HIGD1B: variants seen among roughly 807,000 people sequenced by gnomAD.
HIGD1B encodes the protein HIG1 hypoxia inducible domain family member 1B.
HIGD1B carries 9 observed loss-of-function variants against 8.8 expected under a neutral mutation model. The observed-to-expected ratio is 1.02, with a 90% CI of 0.62 to 1.78. The LOEUF (loss-of-function observed/expected upper bound fraction) is 1.78, where lower values mean the gene tolerates loss of function less well. HIGD1B is among the 40% of genes most tolerant of loss of function. The pLI, the probability that HIGD1B is intolerant of heterozygous loss-of-function variation, is 0.00. For missense variants in HIGD1B, 126 were observed against 111.8 expected (o/e 1.13, Z -0.57); for synonymous variants, 47 against 38.8 (o/e 1.21, Z -0.78).
intron 2 of HIGD1B, 65 bp downstream of exon 2, chr17:44,849,453 G>C (rs2050388677): frequency 6.3e-7 from 1 of 1,587,676 alleles, no homozygotes; most frequent in East Asian, 2.2e-5. Flanking sequence ...AGGTCTTTAA[G>C]TCCCAACAAT....
upstream of HIGD1B, among the ~76,000 whole-genome samples, chr17:44,844,889 A>G (rs1488557289): frequency 6.6e-6 from 1 of 152,188 alleles, no homozygotes; most frequent in Non-Finnish European, 1.5e-5. Context: ...GTAAGTCATT[A>G]AGCCTCTCTG....
upstream of HIGD1B, among the ~76,000 whole-genome samples, chr17:44,845,980 C>G (rs1206428989): frequency 6.6e-6 from 1 of 152,006 alleles, no homozygotes; most frequent in African/African-American, 2.4e-5. Context: ...GAGTCTGTCT[C>G]TCACAACTAG....
chr17:44,850,442 C>A lies in HIGD1B; in HGVS notation c.*46C>A. 1 of 1,396,510 alleles carries A rather than the reference C, an allele frequency of 7.2e-7. No individual in the cohort carries two copies. The highest frequency in any genetic ancestry group is 1.0e-6 in the Non-Finnish European group (1 of 988,856). 86.5% of individuals were successfully genotyped at this position (1,396,510 alleles called of 1,614,324 possible). A position where few individuals can be genotyped will look rare whatever the true frequency, so the allele number is the denominator to read the frequency against. ...CTGTCCAACTCCCCTAACTCAATCC[C>A]TGGTACATTCCTAATAAAGCAGTTT... is the stretch of plus-strand genomic sequence containing the variant. On this transcript the variant is annotated 3_prime_UTR_variant, in exon 3 of 3. Transcript: ENST00000253410.
In HIGD1B at chr17:44,848,253, G is replaced by C; in HGVS notation, c.100+1G>C. 1.1e-6 allele frequency: 1 copy of C among 872,648 alleles called. No individual in the cohort carries two copies. Among genetic ancestry groups the C allele is most frequent in the Non-Finnish European group, 2.0e-6 (1 of 501,472 alleles). 54.1% of individuals were successfully genotyped at this position (872,648 alleles called of 1,614,324 possible). A position where few individuals can be genotyped will look rare whatever the true frequency, so the allele number is the denominator to read the frequency against. On this transcript the variant is annotated splice_donor_variant, in intron 1 of 2. Coordinates refer to ENST00000253410, the MANE Select transcript of HIGD1B (RefSeq NM_016438.4). LOFTEE classifies it high-confidence loss of function. ...CGGGAATCTCCACTGGTGCCTATAG[G>C]TAAGTGAAGAAAGGAATGGGGTGCC...
chr17:44,848,835 GCA>G (rs2050366093), intron 1 of HIGD1B, among the ~76,000 whole-genome samples: 1 of 152,028 alleles, frequency 6.6e-6, no homozygotes, highest in Non-Finnish European at 1.5e-5. Flanking sequence ...GAGTGCAATG[GCA>G]CAGTCTCGGT....
intron 2 of HIGD1B, 56 bp from the exon 3 acceptor site, chr17:44,850,276 A>C: frequency 6.9e-7 from 1 of 1,452,290 alleles, no homozygotes; most frequent in Non-Finnish European, 9.5e-7. Flanking sequence ...CCTGAGAGCC[A>C]GAGGACGGGT....
rs374844350 is a variant in HIGD1B, at chr17:44,848,136, C to T, written c.-17C>T. 2 of 870,340 alleles carry T rather than the reference C, an allele frequency of 2.3e-6. No homozygotes were observed. The highest frequency in any genetic ancestry group is 4.0e-6 in the Non-Finnish European group (2 of 500,388). The allele number at this position is 870,340 out of a possible 1,614,324, so 53.9% of individuals were successfully genotyped here. A position where few individuals can be genotyped will look rare whatever the true frequency, so the allele number is the denominator to read the frequency against. On this transcript the variant is annotated 5_prime_UTR_variant, in exon 1 of 3. Transcript: ENST00000253410. ...GCAGCATAGGAGTCTCAGCTGCTTACATCCAGGTCCAGGATTATGTCTGCT... is the reference window on the plus strand; with the variant it reads ...GCAGCATAGGAGTCTCAGCTGCTTATATCCAGGTCCAGGATTATGTCTGCT...
At position 44,848,168 on chromosome 17, in the gene HIGD1B, C is replaced by A. The variant is rs751484914; in HGVS notation, c.16C>A (p.Arg6Ser). The A allele has an allele frequency of 2.3e-6, 2 of 872,596 alleles. No homozygotes were observed. The highest frequency in any genetic ancestry group is 3.3e-5 in the African/African-American group (2 of 61,304). The allele number at this position is 872,596 out of a possible 1,614,324, so 54.1% of individuals were successfully genotyped here. A position where few individuals can be genotyped will look rare whatever the true frequency, so the allele number is the denominator to read the frequency against. Residue 6 changes from arginine (R) to serine (S), a missense_variant, in exon 1 of 3, where the codon CGC (arginine) becomes AGC (serine). Arg to Ser is a moderately radical substitution (Grantham distance 110). Coordinates refer to ENST00000253410, the MANE Select transcript of HIGD1B (RefSeq NM_016438.4). Reference protein sequence around the residue: MSANRRWWVPPDDEDC... With the variant: MSANRSWWVPPDDEDC... Reference sequence around the variant, plus strand: ...GTCCAGGATTATGTCTGCTAACAGACGCTGGTGGGTACCACCTGACGACGA... The same window carrying A: ...GTCCAGGATTATGTCTGCTAACAGAAGCTGGTGGGTACCACCTGACGACGA...
intron 1 of HIGD1B, 139 bp from the exon 2 acceptor site, chr17:44,849,115 A>C: frequency 9.6e-5 from 81 of 847,084 alleles, no homozygotes; most frequent in Middle Eastern, 3.8e-4. Flanking sequence ...GGTCCCCCGC[A>C]ACGCCCACCC....
At chr17:44,849,085 A>C (rs1409289107) in intron 1 of HIGD1B, 169 bp from the exon 2 acceptor site, 20 of 680,378 alleles carry the variant, frequency 2.9e-5, no homozygotes, top group Non-Finnish European at 4.5e-5. Flanking sequence ...CAACAACTCA[A>C]TATTCTAATG....
chr17:44,850,406 A>G lies in HIGD1B; in HGVS notation c.*10A>G, dbSNP rs1170752393. 5 of 1,607,970 alleles carry G rather than the reference A, an allele frequency of 3.1e-6. No homozygotes were observed. Among genetic ancestry groups the G allele is most frequent in the Non-Finnish European group, 4.3e-6 (5 of 1,175,606 alleles). ...TGCTGGAGAGAAGTAGGACTCCTAT[A>G]GGAGCCGGGGCTGTCCAACTCCCCT... On this transcript the variant is annotated 3_prime_UTR_variant, in exon 3 of 3. Coordinates refer to ENST00000253410, the MANE Select transcript of HIGD1B (RefSeq NM_016438.4).
At chr17:44,845,258 CAAAAA>C (rs11366877), upstream of HIGD1B, among the ~76,000 whole-genome samples, 2 of 116,786 alleles carry the variant, frequency 1.7e-5, no homozygotes, top group Non-Finnish European at 1.8e-5. Flanking sequence ...AACTCCGTCT[CAAAAA>C]AAAAAAAAAA....
chr17:44,849,490 G>GCGCCCA, intron 2 of HIGD1B, 102 bp downstream of exon 2: 1 of 1,377,018 alleles, frequency 7.3e-7, no homozygotes, highest in Non-Finnish European at 1.0e-6. Context: ...GGCTGGGCGC[G>GCGCCCA]GTGGTTCACG....
At chr17:44,846,911 G>A (rs1373416765), upstream of HIGD1B, among the ~76,000 whole-genome samples, 2 of 152,046 alleles carry the variant, frequency 1.3e-5, no homozygotes, top group African/African-American at 2.4e-5. Context: ...CGAGGTGGGC[G>A]GATCAAGAGG....
At chr17:44,849,446 T>C (rs1417501042) in intron 2 of HIGD1B, 58 bp downstream of exon 2, 1 of 1,594,360 alleles carries the variant, frequency 6.3e-7, no homozygotes, top group Non-Finnish European at 8.6e-7. Context: ...AGTTTGTAGG[T>C]CTTTAAGTCC....
chr17:44,847,156 G>A (rs548722361), upstream of HIGD1B, among the ~76,000 whole-genome samples: 41 of 152,158 alleles, frequency 2.7e-4, no homozygotes, highest in African/African-American at 9.6e-4. Context: ...AAAAAGGGCC[G>A]GGCGCGGTGG....
upstream of HIGD1B, among the ~76,000 whole-genome samples, chr17:44,846,958 A>AC (rs1210286656): frequency 5.9e-5 from 9 of 151,750 alleles, no homozygotes; most frequent in South Asian, 4.2e-4. Flanking sequence ...TCAGGGTAAG[A>AC]CCCCGTCTCT....
chr17:44,845,898 T>C (rs1468661138), upstream of HIGD1B, among the ~76,000 whole-genome samples: 1 of 150,864 alleles, frequency 6.6e-6, no homozygotes, highest in African/African-American at 2.4e-5. Context: ...GCCACTGCAC[T>C]CCAGCCTAGG....
upstream of HIGD1B, among the ~76,000 whole-genome samples, chr17:44,846,783 T>TAAA (rs760853788): frequency 2.1e-4 from 26 of 121,400 alleles, no homozygotes; most frequent in African/African-American, 7.6e-4. Context: ...AGACCCTGCC[T>TAAA]AAAAAAAAAA....
Sources: allele counts gnomAD v4.1 joint callset (sites outside exome capture counted in the v4.1 genomes callset), GRCh38; gene constraint gnomAD v4.1.1; transcripts MANE v1.5; gene names NCBI Gene and HGNC (gene_info 2026-07-23, HGNC 2026-07-21).